THSD4: variants seen among roughly 807,000 people sequenced by gnomAD.
THSD4 encodes the protein thrombospondin type 1 domain containing 4.
Under a neutral mutation model 119.0 loss-of-function variants are expected in THSD4, and 69 were observed. That is an observed-to-expected ratio of 0.58 (90% CI 0.48 to 0.71). THSD4 has a LOEUF of 0.71. THSD4 is among the 30% of genes least tolerant of loss of function. The pLI is 0.00. For missense variants in THSD4, 1,393 were observed against 1,391.1 expected (o/e 1.00, Z -0.02); for synonymous variants, 524 against 540.4 (o/e 0.97, Z 0.42).
chr15:71,566,503 A>G (rs903836169), intron 7 of THSD4, among the ~76,000 whole-genome samples: 3 of 152,136 alleles, frequency 2.0e-5, no homozygotes, highest in Non-Finnish European at 2.9e-5. Flanking sequence ...CTTGCTGAAT[A>G]TAACTTGTTA....
chr15:71,270,090 G>A (rs563810755), intron 6 of THSD4, among the ~76,000 whole-genome samples: 1 of 151,978 alleles, frequency 6.6e-6, no homozygotes, highest in East Asian at 1.9e-4. Context: ...CACAGATTTG[G>A]AAAAAAACAC....
intron 7 of THSD4, among the ~76,000 whole-genome samples, chr15:71,524,587 C>CTTTTTTTTTTTT (rs71438517): frequency 1.7e-5 from 1 of 59,506 alleles, no homozygotes; most frequent in Non-Finnish European, 3.1e-5. Flanking sequence ...GTTTATGCCT[C>CTTTTTTTTTTTT]TTTTTTTTTT....
At chr15:71,130,839 G>T (rs972160259) in intron 1 of THSD4, among the ~76,000 whole-genome samples, 2 of 152,172 alleles carry the variant, frequency 1.3e-5, no homozygotes, top group African/African-American at 2.4e-5. Flanking sequence ...CCGCCTCCCG[G>T]GTTCACGCCA....
chr15:71,597,315 T>C (rs1379553644), intron 7 of THSD4, among the ~76,000 whole-genome samples: 2 of 152,198 alleles, frequency 1.3e-5, no homozygotes, highest in African/African-American at 4.8e-5. Context: ...AATTGATATG[T>C]ATTATACCTT....
chr15:71,726,488 T>C (rs879470810), intron 8 of THSD4, among the ~76,000 whole-genome samples: 2 of 152,220 alleles, frequency 1.3e-5, no homozygotes, highest in Non-Finnish European at 2.9e-5. Context: ...AGCTGAGCAA[T>C]GGGTACATGG....
chr15:71,385,275 A>T (rs1164755435), intron 6 of THSD4, among the ~76,000 whole-genome samples: 11 of 152,350 alleles, frequency 7.2e-5, no homozygotes, highest in Admixed American at 2.6e-4. Context: ...GTTACAAACG[A>T]GAGCAGTGAG....
intron 6 of THSD4, among the ~76,000 whole-genome samples, chr15:71,305,665 T>C (rs1484570143): frequency 6.6e-6 from 1 of 152,190 alleles, no homozygotes; most frequent in African/African-American, 2.4e-5. Flanking sequence ...CACTAAGATG[T>C]GGTAGCTCTT....
chr15:71,199,713 T>A (rs2043768464), intron 3 of THSD4, among the ~76,000 whole-genome samples: 1 of 43,860 alleles, frequency 2.3e-5, no homozygotes, highest in Non-Finnish European at 4.0e-5. Flanking sequence ...TCTGGGTGTG[T>A]GGTGTGTGTG....
chr15:71,585,319 C>A (rs1405179330), intron 7 of THSD4, among the ~76,000 whole-genome samples: 1 of 152,138 alleles, frequency 6.6e-6, no homozygotes, highest in East Asian at 1.9e-4. Context: ...ATTGTAATTT[C>A]TGAAGGACAA....
At chr15:71,380,790 T>G (rs2046218774) in intron 6 of THSD4, among the ~76,000 whole-genome samples, 1 of 150,694 alleles carries the variant, frequency 6.6e-6, no homozygotes, top group African/African-American at 2.4e-5. Context: ...AAACACAGAT[T>G]GGAAACTTTG....
At chr15:71,311,885 C>T (rs866990645) in intron 6 of THSD4, among the ~76,000 whole-genome samples, 12 of 152,124 alleles carry the variant, frequency 7.9e-5, no homozygotes, top group African/African-American at 2.9e-4. Context: ...CACCCTAGTG[C>T]GTACCCCATT....
chr15:71,377,233 T>A (rs1420294393), intron 6 of THSD4, among the ~76,000 whole-genome samples: 4 of 152,098 alleles, frequency 2.6e-5, no homozygotes, highest in Non-Finnish European at 2.9e-5. Flanking sequence ...GAAGAACAGA[T>A]GTGAGAGGAA....
chr15:71,301,503 A>G (rs569709619), intron 6 of THSD4, among the ~76,000 whole-genome samples: 11 of 152,166 alleles, frequency 7.2e-5, no homozygotes, highest in African/African-American at 1.7e-4. Flanking sequence ...CATTCTTTCC[A>G]TCTTTGCTGT....
At chr15:71,683,158 G>A (rs1282812897) in intron 8 of THSD4, among the ~76,000 whole-genome samples, 4 of 151,902 alleles carry the variant, frequency 2.6e-5, no homozygotes, top group Non-Finnish European at 5.9e-5. Flanking sequence ...CTGGACTATA[G>A]TAATCTGCCT....
At chr15:71,210,945 G>A (rs896725975) in intron 3 of THSD4, among the ~76,000 whole-genome samples, 1 of 151,578 alleles carries the variant, frequency 6.6e-6, no homozygotes, top group Non-Finnish European at 1.5e-5. Flanking sequence ...GTGTCTTTAT[G>A]TATATATATA....
intron 6 of THSD4, among the ~76,000 whole-genome samples, chr15:71,310,856 G>C (rs555761374): frequency 6.6e-6 from 1 of 152,164 alleles, no homozygotes; most frequent in Non-Finnish European, 1.5e-5. Flanking sequence ...GAGAGACAGG[G>C]GGGCAGGAGA....
chr15:71,406,639 GTTTGGTGTGT>G (rs1407374342), intron 6 of THSD4, among the ~76,000 whole-genome samples: 11 of 142,150 alleles, frequency 7.7e-5, no homozygotes, highest in South Asian at 4.6e-4. Context: ...TCTCAGGTTT[GTTTGGTGTGT>G]GTGTGTGTGT....
intron 6 of THSD4, among the ~76,000 whole-genome samples, chr15:71,340,623 T>TTTTTG (rs1222741191): frequency 1.3e-5 from 2 of 150,138 alleles, no homozygotes; most frequent in African/African-American, 4.9e-5. Context: ...TTTTTTTTTT[T>TTTTTG]GCGACACAGT....
chr15:71,457,101 C>T (rs1057457402), intron 7 of THSD4, among the ~76,000 whole-genome samples: 5 of 152,100 alleles, frequency 3.3e-5, no homozygotes, highest in Non-Finnish European at 5.9e-5. Context: ...CCAAGATGTG[C>T]GAGGCGCAGT....
Sources: allele counts gnomAD v4.1 joint callset (sites outside exome capture counted in the v4.1 genomes callset), GRCh38; gene constraint gnomAD v4.1.1; transcripts MANE v1.5; gene names NCBI Gene and HGNC (gene_info 2026-07-23, HGNC 2026-07-21).